The following SGCZ variants were observed in gnomAD, a reference collection of about 807,000 sequenced individuals.
SGCZ encodes sarcoglycan zeta, also known as zeta-sarcoglycan.
Under a neutral mutation model 41.3 loss-of-function variants are expected in SGCZ, and 40 were observed. The ratio of observed to expected loss-of-function variants is 0.97; its 90% CI spans 0.75 to 1.26. The LOEUF is 1.26. Ranked by LOEUF, SGCZ falls within the 50% of genes most tolerant of loss-of-function variation. SGCZ has a pLI of 0.00. For synonymous variants in SGCZ, 206 were observed against 137.5 expected (o/e 1.50, Z -3.49); for missense variants, 552 against 369.8 (o/e 1.49, Z -4.04).
chr8:15,144,166 T>C (rs1798968454), intron 1 of SGCZ, among the ~76,000 whole-genome samples: 1 of 152,242 alleles, frequency 6.6e-6, no homozygotes, highest in Non-Finnish European at 1.5e-5. Context: ...TTGAAGTTGG[T>C]GTAATAAAAG....
chr8:14,531,708 A>G (rs1025486122), intron 2 of SGCZ, among the ~76,000 whole-genome samples: 3 of 151,972 alleles, frequency 2.0e-5, no homozygotes, highest in Admixed American at 6.6e-5. Context: ...TACCCCTCAA[A>G]CCTAAATGCT....
At position 14,164,662 on chromosome 8, in the gene SGCZ, C is replaced by G. The variant is rs544504288; in HGVS notation, c.465G>C (p.Val155=). Residue 155 remains valine (V), a synonymous_variant, in exon 5 of 8, where the codon GTG becomes GTC. Coordinates refer to ENST00000382080, the MANE Select transcript of SGCZ (RefSeq NM_139167.4). ...GCACCCTGCCATCTTCACTGGCTCTCACTTCAAATCTTTTACACTGAGCTT... is the reference window on the plus strand; with the variant it reads ...GCACCCTGCCATCTTCACTGGCTCTGACTTCAAATCTTTTACACTGAGCTT... ...AVEAQCKRFE[V]RASEDGRVLF... The G allele has an allele frequency of 6.2e-7, 1 of 1,613,636 alleles. No individual in the cohort carries two copies. The highest frequency in any genetic ancestry group is 8.5e-7 in the Non-Finnish European group (1 of 1,179,708).
intron 3 of SGCZ, among the ~76,000 whole-genome samples, chr8:14,275,757 C>T (rs181187480): frequency 9.4e-4 from 143 of 152,258 alleles, no homozygotes; most frequent in South Asian, 3.5e-3. Context: ...ATCTTTTGTG[C>T]AATGGAATCC....
intron 3 of SGCZ, among the ~76,000 whole-genome samples, chr8:14,296,637 A>G (rs1201952333): frequency 2.6e-5 from 4 of 152,142 alleles, no homozygotes; most frequent in Admixed American, 2.6e-4. Flanking sequence ...GACCCATACA[A>G]TGTTAATTCA....
intron 1 of SGCZ, among the ~76,000 whole-genome samples, chr8:15,057,609 C>T (rs1361569376): frequency 6.6e-6 from 1 of 152,054 alleles, no homozygotes; most frequent in East Asian, 1.9e-4. Context: ...GGATAATAGA[C>T]GTAGGCACAG....
intron 4 of SGCZ, among the ~76,000 whole-genome samples, chr8:14,193,212 T>C (rs1805160596): frequency 1.3e-5 from 2 of 152,056 alleles, no homozygotes; most frequent in East Asian, 3.9e-4. Context: ...ACTCCTGCCA[T>C]GTATATGTCT....
intron 1 of SGCZ, among the ~76,000 whole-genome samples, chr8:14,802,430 T>G (rs1801351508): frequency 6.6e-6 from 1 of 152,334 alleles, no homozygotes; most frequent in South Asian, 2.1e-4. Context: ...CTTTAAAAAG[T>G]AATTTTAAGC....
intron 1 of SGCZ, among the ~76,000 whole-genome samples, chr8:15,140,339 T>C (rs530829559): frequency 6.6e-6 from 1 of 152,264 alleles, no homozygotes; most frequent in Admixed American, 6.5e-5. Flanking sequence ...TAGAGCTTAT[T>C]TAGAGCTCAT....
At chr8:14,587,705 G>C (rs1186687313) in intron 1 of SGCZ, among the ~76,000 whole-genome samples, 1 of 152,088 alleles carries the variant, frequency 6.6e-6, no homozygotes, top group East Asian at 1.9e-4. Context: ...TATTAATTTA[G>C]TTATGTCTTA....
At chr8:14,157,672 A>C (rs780036658) in intron 5 of SGCZ, among the ~76,000 whole-genome samples, 2 of 152,108 alleles carry the variant, frequency 1.3e-5, no homozygotes, top group African/African-American at 4.8e-5. Flanking sequence ...TATTCACTAT[A>C]AGAAATATAA....
At chr8:15,214,810 A>C (rs1230699955) in intron 1 of SGCZ, among the ~76,000 whole-genome samples, 1 of 152,200 alleles carries the variant, frequency 6.6e-6, no homozygotes, top group African/African-American at 2.4e-5. Context: ...TTAAGGATAT[A>C]ATTTGGCAAC....
chr8:15,184,270 A>C (rs1177920067), intron 1 of SGCZ, among the ~76,000 whole-genome samples: 1 of 152,214 alleles, frequency 6.6e-6, no homozygotes, highest in Admixed American at 6.5e-5. Context: ...TTATGCTTTT[A>C]AAATTTTCAA....
At chr8:14,455,406 G>A (rs1800711622) in intron 2 of SGCZ, among the ~76,000 whole-genome samples, 2 of 151,144 alleles carry the variant, frequency 1.3e-5, no homozygotes, top group Admixed American at 1.3e-4. Context: ...ACATATTGCT[G>A]GTAGAAATGA....
chr8:14,739,980 G>T (rs1458810269), intron 1 of SGCZ, among the ~76,000 whole-genome samples: 1 of 151,954 alleles, frequency 6.6e-6, no homozygotes, highest in East Asian at 1.9e-4. Context: ...GGTCTCCCTA[G>T]CTCCTTTTGC....
At chr8:14,673,529 A>C (rs945989018) in intron 1 of SGCZ, among the ~76,000 whole-genome samples, 4 of 151,392 alleles carry the variant, frequency 2.6e-5, no homozygotes, top group Non-Finnish European at 5.9e-5. Context: ...CTTCGCCATG[A>C]TTGTAAGTTT....
chr8:14,793,320 A>G (rs1036581611), intron 1 of SGCZ, among the ~76,000 whole-genome samples: 25 of 152,170 alleles, frequency 1.6e-4, no homozygotes, highest in African/African-American at 5.5e-4. Flanking sequence ...TTATAATCCA[A>G]TTTTCACATC....
chr8:14,523,441 T>C (rs946265148), intron 2 of SGCZ, among the ~76,000 whole-genome samples: 6 of 152,092 alleles, frequency 3.9e-5, no homozygotes, highest in African/African-American at 1.4e-4. Context: ...AACAGGATTC[T>C]AGTTTAAGTT....
At chr8:14,661,689 T>C (rs898183563) in intron 1 of SGCZ, among the ~76,000 whole-genome samples, 3 of 152,156 alleles carry the variant, frequency 2.0e-5, no homozygotes, top group Non-Finnish European at 4.4e-5. Flanking sequence ...ATTTCACATC[T>C]TGGAGTCTCT....
chr8:14,397,833 G>A (rs1037353063), intron 2 of SGCZ, among the ~76,000 whole-genome samples: 22 of 152,060 alleles, frequency 1.4e-4, no homozygotes, highest in Admixed American at 7.9e-4. Context: ...AAGGTGCTTC[G>A]TCTAAGATTG....
Sources: gnomAD v4.1 joint callset for allele counts (sites outside exome capture counted in the v4.1 genomes callset) on GRCh38, gnomAD v4.1.1 for gene constraint, MANE v1.5 for transcripts, NCBI Gene and HGNC (gene_info 2026-07-23, HGNC 2026-07-21) for gene names.